ANKS1B: variants seen among roughly 807,000 people sequenced by gnomAD.
ANKS1B encodes ankyrin repeat and sterile alpha motif domain-containing protein 1B.
Under a neutral mutation model 148.3 loss-of-function variants are expected in ANKS1B, and 36 were observed. The ratio of observed to expected loss-of-function variants is 0.24; its 90% CI spans 0.19 to 0.32. The LOEUF is 0.32. Ranked by LOEUF, ANKS1B falls within the 10% of genes least tolerant of loss-of-function variation. ANKS1B has a pLI of 1.00. For synonymous variants in ANKS1B, 542 were observed against 560.8 expected, an observed-to-expected ratio of 0.97 and a Z score of 0.47; for missense variants, 1,157 against 1,542.6, an observed-to-expected ratio of 0.75 and a Z score of 4.19.
At chr12:99,377,562 C>T (rs2093442960) in intron 12 of ANKS1B, among the ~76,000 whole-genome samples, 1 of 152,094 alleles carries the variant, frequency 6.6e-6, no homozygotes, top group South Asian at 2.1e-4. Flanking sequence ...TAGTACAAAG[C>T]ATTCAGTCAT....
chr12:99,287,406 T>G (rs2079286171), intron 12 of ANKS1B, among the ~76,000 whole-genome samples: 1 of 152,134 alleles, frequency 6.6e-6, no homozygotes, highest in Admixed American at 6.6e-5. Flanking sequence ...ATCATAACAC[T>G]TGAATACTTG....
intron 8 of ANKS1B, among the ~76,000 whole-genome samples, chr12:99,721,047 G>A (rs541788722): frequency 2.6e-5 from 4 of 152,040 alleles, no homozygotes; most frequent in Non-Finnish European, 4.4e-5. Flanking sequence ...CTCTTATTCC[G>A]TTCAGTTTTT....
At chr12:99,189,634 A>G (rs1219512217) in intron 14 of ANKS1B, among the ~76,000 whole-genome samples, 1 of 152,164 alleles carries the variant, frequency 6.6e-6, no homozygotes, top group Non-Finnish European at 1.5e-5. Context: ...CCTTCAACAA[A>G]ATTCAACAGC....
At chr12:99,031,142 G>A (rs145505778) in intron 17 of ANKS1B, among the ~76,000 whole-genome samples, 10 of 152,254 alleles carry the variant, frequency 6.6e-5, no homozygotes, top group Admixed American at 2.0e-4. Flanking sequence ...ATGGATACAC[G>A]ATTTGAATAA....
chr12:99,380,788 CCTTCCTTCCTTCCTTT>C lies in ANKS1B; in HGVS notation c.1756+18827_1756+18842del, dbSNP rs1196953331. On this transcript the variant is annotated intron_variant, in intron 12 of 26. Coordinates refer to ENST00000683438, the MANE Select transcript of ANKS1B (RefSeq NM_001352186.2). ...TCCTTCCTTCCTTCCTTCCTTCCTT[CCTTCCTTCCTTCCTTT>C]CTCATGCTCCACAACAAACATTTGT... Among the ~76,000 whole-genome samples, 682 of 148,390 alleles carry C rather than the reference CCTTCCTTCCTTCCTTT, an allele frequency of 4.6e-3. 4 individuals are homozygous for C. Among genetic ancestry groups the C allele is most frequent in the East Asian group, 0.015 (69 of 4,566 alleles).
At chr12:99,451,659 A>G (rs960056707) in intron 10 of ANKS1B, among the ~76,000 whole-genome samples, 3 of 152,166 alleles carry the variant, frequency 2.0e-5, no homozygotes, top group Non-Finnish European at 4.4e-5. Flanking sequence ...GTCATACACA[A>G]AGACTTTGGG....
chr12:99,542,752 A>T (rs998308966), intron 9 of ANKS1B, among the ~76,000 whole-genome samples: 1 of 152,078 alleles, frequency 6.6e-6, no homozygotes, highest in African/African-American at 2.4e-5. Flanking sequence ...TTTTTTCAAC[A>T]AATGGTGCTG....
At chr12:99,357,465 C>A (rs1262659862) in intron 12 of ANKS1B, among the ~76,000 whole-genome samples, 2 of 152,126 alleles carry the variant, frequency 1.3e-5, no homozygotes, top group Non-Finnish European at 2.9e-5. Context: ...CACTTAACTT[C>A]TCTGACTTCA....
intron 17 of ANKS1B, among the ~76,000 whole-genome samples, chr12:98,849,841 A>T (rs182014274): frequency 6.6e-6 from 1 of 152,360 alleles, no homozygotes; most frequent in East Asian, 1.9e-4. Context: ...AAGGGCTTAA[A>T]TTCAAGAGTA....
intron 12 of ANKS1B, among the ~76,000 whole-genome samples, chr12:99,347,608 A>G (rs1235302621): frequency 1.3e-5 from 2 of 152,030 alleles, no homozygotes; most frequent in Non-Finnish European, 2.9e-5. Flanking sequence ...CTGACCATTG[A>G]GTTAGTAGAA....
At chr12:99,577,577 C>A (rs1232376379) in intron 9 of ANKS1B, among the ~76,000 whole-genome samples, 1 of 151,702 alleles carries the variant, frequency 6.6e-6, no homozygotes, top group African/African-American at 2.4e-5. Context: ...TACAAAAAAA[C>A]CCTCAGAGAC....
intron 12 of ANKS1B, among the ~76,000 whole-genome samples, chr12:99,385,340 G>T (rs750492408): frequency 6.6e-6 from 1 of 152,096 alleles, no homozygotes; most frequent in Non-Finnish European, 1.5e-5. Context: ...GTGCTGGCAC[G>T]TGCCTGTAGT....
intron 10 of ANKS1B, among the ~76,000 whole-genome samples, chr12:99,487,346 A>G (rs1264527363): frequency 2.6e-5 from 4 of 152,232 alleles, no homozygotes; most frequent in African/African-American, 9.6e-5. Flanking sequence ...GTTAGACAAC[A>G]AACAGCTGTT....
intron 1 of ANKS1B, among the ~76,000 whole-genome samples, chr12:99,973,527 A>C (rs1467562304): frequency 1.3e-5 from 2 of 152,240 alleles, no homozygotes; most frequent in African/African-American, 4.8e-5. Flanking sequence ...TGCAGTGAGC[A>C]CAGTGATCAT....
intron 12 of ANKS1B, among the ~76,000 whole-genome samples, chr12:99,269,390 C>T (rs775152343): frequency 3.6e-4 from 55 of 152,036 alleles, no homozygotes; most frequent in Non-Finnish European, 7.1e-4. Flanking sequence ...ATGCAGTCTC[C>T]AACACTGCTA....
At chr12:98,820,049 G>A (rs1289886320) in intron 19 of ANKS1B, among the ~76,000 whole-genome samples, 1 of 152,204 alleles carries the variant, frequency 6.6e-6, no homozygotes, top group African/African-American at 2.4e-5. Context: ...CTCTACTGAA[G>A]TTGCATTTAC....
intron 12 of ANKS1B, among the ~76,000 whole-genome samples, chr12:99,387,345 C>T (rs1171934792): frequency 3.3e-5 from 5 of 152,166 alleles, no homozygotes; most frequent in East Asian, 1.9e-4. Flanking sequence ...TGGCCGGGCG[C>T]GGTGGCTCAC....
intron 22 of ANKS1B, among the ~76,000 whole-genome samples, chr12:98,790,065 C>G (rs2098833817): frequency 6.6e-6 from 1 of 151,862 alleles, no homozygotes; most frequent in Non-Finnish European, 1.5e-5. Context: ...CAGTAATGAA[C>G]GTGTATTGCT....
chr12:99,812,402 G>A (rs1215910739), intron 2 of ANKS1B, 91 bp from the exon 3 acceptor site: 3 of 1,369,488 alleles, frequency 2.2e-6, no homozygotes, highest in Non-Finnish European at 2.0e-6. Context: ...GATGCTGGGT[G>A]GGAATTTAGA....
Sources: gnomAD v4.1 joint callset for allele counts (sites outside exome capture counted in the v4.1 genomes callset) on GRCh38, gnomAD v4.1.1 for gene constraint, MANE v1.5 for transcripts, NCBI Gene and HGNC (gene_info 2026-07-23, HGNC 2026-07-21) for gene names.